IQGAP2: variants seen among roughly 807,000 people sequenced by gnomAD.
IQGAP2 encodes IQ motif containing GTPase activating protein 2.
IQGAP2 carries 173 observed loss-of-function variants against 201.3 expected under a neutral mutation model. The ratio of observed to expected loss-of-function variants is 0.86; its 90% CI spans 0.76 to 0.98. The LOEUF is 0.98. Ranked by LOEUF, IQGAP2 falls within the 50% of genes least tolerant of loss-of-function variation. The probability of loss-of-function intolerance (pLI) is 0.00; values close to 1 mark genes in which losing one functional copy is unlikely to be tolerated. For missense variants in IQGAP2, 1,687 were observed against 1,864.8 expected, an observed-to-expected ratio of 0.90 and a Z score of 1.76; for synonymous variants, 675 against 673.9, an observed-to-expected ratio of 1.00 and a Z score of -0.03.
At position 76,440,899 on chromosome 5, in the gene IQGAP2, C is replaced by T. The variant is rs548468264; in HGVS notation, c.47-20671C>T. ...TACAAAAATTAGCCAGGCGTGGTGG[C>T]GGATGCCTGTGATCCCTGCTACTCG... On this transcript the variant is annotated intron_variant, in intron 1 of 35. Coordinates refer to ENST00000274364, the MANE Select transcript of IQGAP2 (RefSeq NM_006633.5). Among the ~76,000 whole-genome samples, 28 of 152,140 alleles carry T rather than the reference C, an allele frequency of 1.8e-4. No homozygotes were observed. In the South Asian group the frequency reaches 5.2e-3, roughly 28 times the overall value.
chr5:76,672,620 T>A (rs1744438138), intron 24 of IQGAP2, among the ~76,000 whole-genome samples: 1 of 152,182 alleles, frequency 6.6e-6, no homozygotes, highest in Non-Finnish European at 1.5e-5. Context: ...GAAAAAAATG[T>A]TCAGGGTATA....
intron 9 of IQGAP2, 76 bp from the exon 10 acceptor site, chr5:76,597,363 G>A: frequency 6.8e-7 from 1 of 1,467,470 alleles, no homozygotes; most frequent in Non-Finnish European, 9.4e-7. Flanking sequence ...TCAAATCCTT[G>A]GGAAGAAGGG....
intron 1 of IQGAP2, among the ~76,000 whole-genome samples, chr5:76,445,369 T>C (rs1753313595): frequency 6.6e-6 from 1 of 152,090 alleles, no homozygotes; most frequent in East Asian, 1.9e-4. Flanking sequence ...GAAGATTAAA[T>C]GAGTTAATAT....
chr5:76,542,203 C>T (rs371886120), intron 2 of IQGAP2, among the ~76,000 whole-genome samples: 1 of 152,230 alleles, frequency 6.6e-6, no homozygotes, highest in African/African-American at 2.4e-5. Context: ...ACAAGCAGTC[C>T]TCCTGCCTTG....
At chr5:76,684,039 A>G (rs1348310774) in intron 30 of IQGAP2, 122 bp downstream of exon 30, 20 of 791,098 alleles carry the variant, frequency 2.5e-5, no homozygotes, top group South Asian at 3.1e-5. Flanking sequence ...TCTATTATGT[A>G]TATCCATCAA....
rs946518568 is a variant in IQGAP2, at chr5:76,542,075, T to C, written c.147-20321T>C. 2.0e-5 allele frequency among the ~76,000 whole-genome samples: 3 copies of C among 152,306 alleles called. No homozygotes were observed. The East Asian group carries it at 5.8e-4, about 29-fold the overall frequency. On this transcript the variant is annotated intron_variant, in intron 2 of 35. Transcript: ENST00000274364. ...CACAGCTCACTGAAACCTCACCCTCTTGGGCTGCAGCAATGCTCCCACCTC... is the reference window on the plus strand; with the variant it reads ...CACAGCTCACTGAAACCTCACCCTCCTGGGCTGCAGCAATGCTCCCACCTC...
intron 30 of IQGAP2, among the ~76,000 whole-genome samples, chr5:76,686,173 T>A (rs1745721693): frequency 6.6e-6 from 1 of 152,226 alleles, no homozygotes; most frequent in Non-Finnish European, 1.5e-5. Flanking sequence ...GTTTTGTTCC[T>A]CAGTTGTAAG....
At chr5:76,579,281 T>C (rs1258400438) in intron 5 of IQGAP2, among the ~76,000 whole-genome samples, 2 of 152,174 alleles carry the variant, frequency 1.3e-5, no homozygotes, top group Non-Finnish European at 2.9e-5. Flanking sequence ...ATAATCTTCG[T>C]GGCACCAGAA....
chr5:76,588,777 T>G (rs1746420796), intron 5 of IQGAP2, 129 bp from the exon 6 acceptor site: 1 of 435,694 alleles, frequency 2.3e-6, no homozygotes. Flanking sequence ...GTTTCCTCAT[T>G]TACAAAATGA....
At chr5:76,439,326 G>A (rs995204769) in intron 1 of IQGAP2, among the ~76,000 whole-genome samples, 7 of 152,164 alleles carry the variant, frequency 4.6e-5, no homozygotes, top group African/African-American at 1.2e-4. Flanking sequence ...CAGTTCTTGG[G>A]TAGAATGTTT....
intron 2 of IQGAP2, among the ~76,000 whole-genome samples, chr5:76,488,726 G>A (rs1756330181): frequency 6.6e-6 from 1 of 152,140 alleles, no homozygotes; most frequent in South Asian, 2.1e-4. Context: ...GAGGTTGTAG[G>A]TTTGCCCTTT....
intron 1 of IQGAP2, among the ~76,000 whole-genome samples, chr5:76,434,263 A>C (rs1752533220): frequency 6.6e-6 from 1 of 152,108 alleles, no homozygotes; most frequent in East Asian, 1.9e-4. Context: ...ATAGTGGTGA[A>C]TTCTGAGATT....
intron 17 of IQGAP2, among the ~76,000 whole-genome samples, chr5:76,642,947 T>G (rs1028925836): frequency 3.3e-5 from 5 of 151,910 alleles, no homozygotes; most frequent in Admixed American, 3.3e-4. Flanking sequence ...ATAGAGGAAG[T>G]CAAGGAGAAT....
intron 2 of IQGAP2, among the ~76,000 whole-genome samples, chr5:76,499,154 A>G (rs1407747452): frequency 2.6e-5 from 4 of 152,202 alleles, no homozygotes; most frequent in Non-Finnish European, 4.4e-5. Flanking sequence ...AGATAGCACA[A>G]TTATGATTGT....
At chr5:76,450,044 T>TG (rs1753635145) in intron 1 of IQGAP2, among the ~76,000 whole-genome samples, 1 of 152,250 alleles carries the variant, frequency 6.6e-6, no homozygotes, top group East Asian at 1.9e-4. Flanking sequence ...TTTCTAAACT[T>TG]GGGACCATTT....
chr5:76,664,880 G>A (rs898279691), intron 21 of IQGAP2, 146 bp from the exon 22 acceptor site: 30 of 540,248 alleles, frequency 5.6e-5, no homozygotes, highest in Admixed American at 5.0e-4. Context: ...AAAAAAATGC[G>A]GTATCTGTGA....
intron 2 of IQGAP2, among the ~76,000 whole-genome samples, chr5:76,482,486 A>G (rs1172635962): frequency 6.6e-6 from 1 of 152,178 alleles, no homozygotes; most frequent in Non-Finnish European, 1.5e-5. Flanking sequence ...CACACTACCT[A>G]ATTTCATAAG....
intron 28 of IQGAP2, among the ~76,000 whole-genome samples, chr5:76,682,156 T>A (rs572287231): frequency 2.0e-5 from 3 of 152,168 alleles, no homozygotes; most frequent in Non-Finnish European, 4.4e-5. Flanking sequence ...CACAGCTCTG[T>A]GAATACACTA....
At chr5:76,634,285 G>A (rs1199264389) in intron 15 of IQGAP2, among the ~76,000 whole-genome samples, 2 of 150,694 alleles carry the variant, frequency 1.3e-5, no homozygotes, top group African/African-American at 4.9e-5. Flanking sequence ...TTTTCGAGAT[G>A]AAGTCTCACT....
Sources: allele counts gnomAD v4.1 joint callset (sites outside exome capture counted in the v4.1 genomes callset), GRCh38; gene constraint gnomAD v4.1.1; transcripts MANE v1.5; gene names NCBI Gene and HGNC (gene_info 2026-07-23, HGNC 2026-07-21).